EBF4: variants seen among roughly 807,000 people sequenced by gnomAD.
EBF4 encodes the protein transcription factor COE4.
Under a neutral mutation model 67.1 loss-of-function variants are expected in EBF4, and 34 were observed. The observed-to-expected ratio is 0.51, with a 90% confidence interval of 0.39 to 0.67. The LOEUF (loss-of-function observed/expected upper bound fraction) is 0.67, where lower values mean the gene tolerates loss of function less well. Ranked by LOEUF, EBF4 falls within the 30% of genes least tolerant of loss-of-function variation. EBF4 has a pLI of 0.00. For missense variants in EBF4, 837 were observed against 873.3 expected, an observed-to-expected ratio of 0.96 and a Z score of 0.52; for synonymous variants, 387 against 377.7, an observed-to-expected ratio of 1.02 and a Z score of -0.29.
At chr20:2,703,407 G>GCC (rs143130682) in intron 1 of EBF4, among the ~76,000 whole-genome samples, 2,170 of 152,154 alleles carry the variant, frequency 0.014, 52 homozygotes, top group African/African-American at 0.049. Flanking sequence ...CTGCACTCCA[G>GCC]CCCGGATGAC....
chr20:2,734,341 A>G (rs1293814791), intron 6 of EBF4, among the ~76,000 whole-genome samples: 3 of 152,168 alleles, frequency 2.0e-5, no homozygotes, highest in Non-Finnish European at 4.4e-5. Context: ...CTGGGAGGTC[A>G]AGGCTTCAGT....
At chr20:2,705,181 C>T (rs78709575) in intron 1 of EBF4, among the ~76,000 whole-genome samples, 1,578 of 152,326 alleles carry the variant, frequency 0.01, 30 homozygotes, top group African/African-American at 0.036. Flanking sequence ...CTAGGGCCCC[C>T]GGGGTCTCCT....
exon 7 of EBF4, chr20:2,748,599 C>A: frequency 1.3e-6 from 2 of 1,551,490 alleles, no homozygotes; most frequent in Non-Finnish European, 1.7e-6. Flanking sequence ...CTGAAGAATG[C>A]GGGGAATCCC....
rs777703898 is a variant in EBF4, at chr20:2,707,935, C to G, written c.415-12C>G. 1.3e-6 allele frequency: 2 copies of G among 1,584,668 alleles called. No homozygotes were observed. The highest frequency in any genetic ancestry group is 4.6e-5 in the East Asian group (2 of 43,932). ...TCCTTCCCCTCCAGCCTGTGCACCT[C>G]CCTCTCCCCAGGCCATCATCTATGA... On this transcript the variant is annotated splice_polypyrimidine_tract_variant and intron_variant, in intron 4 of 16. Transcript: ENST00000609451. This position sits in a 1 kb window ranked among gnomAD's most constrained non-coding sequence, Gnocchi z 4.6.
chr20:2,693,144 G>T, upstream of EBF4: 1 of 157,566 alleles, frequency 6.3e-6, no homozygotes, highest in South Asian at 1.7e-4. This position sits in a 1 kb window ranked among gnomAD's most constrained non-coding sequence, Gnocchi z 4.6. Context: ...TCCGCCTCCC[G>T]GATGGTAATC....
At chr20:2,706,136 G>T in intron 3 of EBF4, 73 bp from the exon 4 acceptor site, 1 of 1,549,690 alleles carries the variant, frequency 6.5e-7, no homozygotes, top group Non-Finnish European at 8.7e-7. Flanking sequence ...GCTGGGGAGG[G>T]TGTGATGTGG....
chr20:2,749,531 G>A lies in EBF4; in HGVS notation c.757+13G>A, dbSNP rs1311994369. 1.9e-6 allele frequency: 3 copies of A among 1,541,828 alleles called. No individual in the cohort carries two copies. In the African/African-American group the frequency reaches 4.1e-5, roughly 21 times the overall value. On this transcript the variant is annotated intron_variant, in intron 8 of 16. Coordinates refer to ENST00000609451, the Ensembl canonical transcript of EBF4. ...GACCCCTCCGAAGGTCAGGACCCCC[G>A]GCCCAGCCCCGGCCGCCGCGGGCCC...
intron 1 of EBF4, among the ~76,000 whole-genome samples, chr20:2,701,526 G>A (rs985592164): frequency 6.6e-6 from 1 of 152,236 alleles, no homozygotes; most frequent in Non-Finnish European, 1.5e-5. Flanking sequence ...ACCCAGCAAT[G>A]GCTGATATTT....
chr20:2,693,750 G>T lies in EBF4; in HGVS notation c.105G>T (p.Ala35=). The T allele has an allele frequency of 7.4e-7, 1 of 1,344,966 alleles. No individual in the cohort carries two copies. The highest frequency in any genetic ancestry group is 9.5e-7 in the Non-Finnish European group (1 of 1,051,022). 83.3% of individuals were successfully genotyped at this position (1,344,966 alleles called of 1,614,324 possible). A position where few individuals can be genotyped will look rare whatever the true frequency, so the allele number is the denominator to read the frequency against. ...CAGTGCGCTCCTGGATGCAGGGCGC[G>T]GGCATCCTGGACGCCAGCACCGCGG... The change falls in exon 1 of 17, where the codon GCG becomes GCT. Residue 35 remains alanine (A), a synonymous_variant. Transcript: ENST00000609451. The surrounding 1 kb of genome is among the most constrained non-coding windows in gnomAD (Gnocchi z 4.6).
In EBF4 at chr20:2,745,741, A is replaced by G. The variant is rs2088040327; in HGVS notation, c.558-2808A>G. ...CTAGAAGGTGTCACGGCAGCCGTCA[A>G]TCGCTACTCTCCCTTCATGGGTGTG... On this transcript the variant is annotated intron_variant, in intron 6 of 16. Transcript: ENST00000609451. This position sits in a 1 kb window ranked among gnomAD's most constrained non-coding sequence, Gnocchi z 5.2. 2.0e-5 allele frequency among the ~76,000 whole-genome samples: 3 copies of G among 152,112 alleles called. No homozygotes were observed. The highest frequency in any genetic ancestry group is 6.5e-5 in the Admixed American group (1 of 15,274).
chr20:2,716,120 G>A (rs1003995833), intron 6 of EBF4, among the ~76,000 whole-genome samples: 2 of 151,856 alleles, frequency 1.3e-5, no homozygotes, highest in Non-Finnish European at 2.9e-5. Flanking sequence ...TTACTCAGAG[G>A]TTGAGGTGGG....
intron 6 of EBF4, among the ~76,000 whole-genome samples, chr20:2,736,928 G>C (rs2146461643): frequency 1.3e-5 from 2 of 152,340 alleles, no homozygotes; most frequent in Middle Eastern, 6.8e-3. Context: ...GACAGGAGCA[G>C]AGATTTGGAC....
intron 6 of EBF4, among the ~76,000 whole-genome samples, chr20:2,720,541 C>G (rs1328555624): frequency 1.3e-5 from 2 of 151,910 alleles, no homozygotes; most frequent in Non-Finnish European, 2.9e-5. Flanking sequence ...TTATTTAGAA[C>G]TTATTGTATA....
At chr20:2,753,590 T>A (rs2088192413) in intron 14 of EBF4, among the ~76,000 whole-genome samples, 2 of 152,266 alleles carry the variant, frequency 1.3e-5, no homozygotes, top group Non-Finnish European at 2.9e-5. Context: ...CAGGCGACTC[T>A]GCCGAGCTGG....
chr20:2,752,520 C>G (rs2088171565), exon 14 of EBF4: 6 of 1,252,368 alleles, frequency 4.8e-6, no homozygotes, highest in Middle Eastern at 2.7e-4. Flanking sequence ...TCCTCAATGG[C>G]TCCACCGCCA....
Position 2,707,079 on chromosome 20 carries a change from A to C in EBF4, c.414+815A>C, listed in dbSNP as rs1321675176. 6.6e-6 allele frequency among the ~76,000 whole-genome samples: 1 copy of C among 152,186 alleles called. No individual in the cohort carries two copies. The highest frequency in any genetic ancestry group is 2.4e-5 in the African/African-American group (1 of 41,440). On this transcript the variant is annotated intron_variant, in intron 4 of 16. Transcript: ENST00000609451. This position sits in a 1 kb window ranked among gnomAD's most constrained non-coding sequence, Gnocchi z 4.6. ...GCCAGATTAGTGGGCTAGGAATGCA[A>C]GCTGGAGATCTGGGCTTCCTACATA...
Position 2,747,286 on chromosome 20 carries a change from G to T in EBF4, c.558-1263G>T, listed in dbSNP as rs772005817. Reference sequence around the variant, plus strand: ...ATGGCGAGCCTGGGCAACAGAGCAAGACTCTGTCTCAAAACAAAAAACAAA... The same window carrying T: ...ATGGCGAGCCTGGGCAACAGAGCAATACTCTGTCTCAAAACAAAAAACAAA... On this transcript the variant is annotated intron_variant, in intron 6 of 16. Transcript: ENST00000609451. This position sits in a 1 kb window ranked among gnomAD's most constrained non-coding sequence, Gnocchi z 4.6. 1.2e-4 allele frequency among the ~76,000 whole-genome samples: 18 copies of T among 144,604 alleles called. No homozygotes were observed. The highest frequency in any genetic ancestry group is 2.2e-4 in the Non-Finnish European group (15 of 66,716). 94.9% of individuals were successfully genotyped at this position (144,604 alleles called of 152,430 possible). A position where few individuals can be genotyped will look rare whatever the true frequency, so the allele number is the denominator to read the frequency against.
chr20:2,724,777 G>T (rs528465523), intron 6 of EBF4, among the ~76,000 whole-genome samples: 1 of 152,284 alleles, frequency 6.6e-6, no homozygotes, highest in Admixed American at 6.5e-5. Context: ...TGTGGTGCAT[G>T]CCTGTAGTAC....
chr20:2,750,615 G>A (rs1440476418), intron 10 of EBF4, among the ~76,000 whole-genome samples: 2 of 151,606 alleles, frequency 1.3e-5, no homozygotes, highest in African/African-American at 4.9e-5. Context: ...CCCCACCATC[G>A]CGCAGCCCCC....
Sources: allele counts gnomAD v4.1 joint callset (sites outside exome capture counted in the v4.1 genomes callset), GRCh38; gene constraint gnomAD v4.1.1; non-coding constraint Gnocchi (gnomAD v3.1); transcripts MANE v1.5; gene names NCBI Gene and HGNC (gene_info 2026-07-23, HGNC 2026-07-21).